The following RPS6KA5 variants were observed in gnomAD, a reference collection of about 807,000 sequenced individuals.
The protein encoded by RPS6KA5 is ribosomal protein S6 kinase alpha-5.
RPS6KA5 carries 27 observed loss-of-function variants against 85.5 expected under a neutral mutation model. That is an observed-to-expected ratio of 0.32 (90% CI 0.23 to 0.44). The LOEUF (loss-of-function observed/expected upper bound fraction) is 0.44, where lower values mean the gene tolerates loss of function less well. RPS6KA5 is among the 20% of genes least tolerant of loss of function. RPS6KA5 has a pLI of 1.00. For synonymous variants in RPS6KA5, 334 were observed against 348.2 expected, an observed-to-expected ratio of 0.96 and a Z score of 0.46; for missense variants, 811 against 980.9, an observed-to-expected ratio of 0.83 and a Z score of 2.31.
chr14:91,040,966 C>T (rs2042587152), intron 1 of RPS6KA5, among the ~76,000 whole-genome samples: 1 of 152,146 alleles, frequency 6.6e-6, no homozygotes, highest in Non-Finnish European at 1.5e-5. Flanking sequence ...GTGAATGGGG[C>T]ATAAAGAAGT....
At chr14:91,004,980 AC>A (rs2040955547) in intron 1 of RPS6KA5, among the ~76,000 whole-genome samples, 2 of 149,126 alleles carry the variant, frequency 1.3e-5, no homozygotes, top group African/African-American at 5.1e-5. Context: ...AAAAAAAAAA[AC>A]AAAAAAACAA....
At chr14:90,951,103 A>C (rs1162416891) in intron 3 of RPS6KA5, among the ~76,000 whole-genome samples, 6 of 131,950 alleles carry the variant, frequency 4.5e-5, no homozygotes, top group African/African-American at 1.7e-4. Flanking sequence ...TGGGCCACAG[A>C]GAGAGACTCA....
At chr14:90,936,909 T>C (rs2037289305) in intron 5 of RPS6KA5, among the ~76,000 whole-genome samples, 1 of 152,084 alleles carries the variant, frequency 6.6e-6, no homozygotes, top group Admixed American at 6.6e-5. Context: ...GTTTTGAAAA[T>C]GTTCAGTTTG....
At chr14:90,888,316 C>A (rs2034351408) in intron 14 of RPS6KA5, among the ~76,000 whole-genome samples, 1 of 152,062 alleles carries the variant, frequency 6.6e-6, no homozygotes, top group Admixed American at 6.5e-5. Context: ...CCTTTTGAAA[C>A]CTTAAAGAGC....
chr14:90,898,577 G>C (rs1275442135), intron 12 of RPS6KA5, among the ~76,000 whole-genome samples: 3 of 152,220 alleles, frequency 2.0e-5, no homozygotes, highest in African/African-American at 2.4e-5. Flanking sequence ...CAAAATCTCA[G>C]TTTCTTTATT....
At chr14:90,947,394 A>T (rs781499237) in intron 4 of RPS6KA5, 41 bp downstream of exon 4, 1 of 1,105,130 alleles carries the variant, frequency 9.0e-7, no homozygotes, top group Admixed American at 1.9e-5. Flanking sequence ...ACCTTAGTTA[A>T]CAGACTTCAG....
chr14:91,029,074 A>T (rs2042090094), intron 1 of RPS6KA5, among the ~76,000 whole-genome samples: 1 of 152,196 alleles, frequency 6.6e-6, no homozygotes, highest in Non-Finnish European at 1.5e-5. Flanking sequence ...TAATATCTGG[A>T]TGATAGCACG....
intron 1 of RPS6KA5, among the ~76,000 whole-genome samples, chr14:91,019,548 C>A (rs1459773122): frequency 6.6e-6 from 1 of 152,188 alleles, no homozygotes; most frequent in East Asian, 1.9e-4. Context: ...ACCTGCCAGT[C>A]TCCATAATCA....
rs1243363842 is a variant in RPS6KA5 at position 90,852,058 on chromosome 14, T to C, written c.*20016A>G. Reference sequence around the variant, plus strand: ...ATTCATCTACAGCAAAGACAAATTATCGGTATCTTTTCTTTAAAAAATCAC... The same window carrying C: ...ATTCATCTACAGCAAAGACAAATTACCGGTATCTTTTCTTTAAAAAATCAC... On this transcript the variant is annotated 3_prime_UTR_variant, in exon 17 of 17. Transcript: ENST00000614987. 6.6e-6 allele frequency: 1 copy of C among 151,210 alleles called. No homozygotes were observed. The highest frequency in any genetic ancestry group is 2.4e-5 in the African/African-American group (1 of 41,158). 9.4% of individuals were successfully genotyped at this position (151,210 alleles called of 1,614,324 possible).
At chr14:90,987,027 T>C (rs1354475195) in intron 2 of RPS6KA5, among the ~76,000 whole-genome samples, 2 of 152,238 alleles carry the variant, frequency 1.3e-5, no homozygotes, top group Non-Finnish European at 2.9e-5. Flanking sequence ...GTATTTACAC[T>C]AGAGAGACAA....
intron 5 of RPS6KA5, among the ~76,000 whole-genome samples, chr14:90,925,580 G>T (rs190695620): frequency 3.3e-5 from 5 of 152,038 alleles, no homozygotes; most frequent in Non-Finnish European, 7.4e-5. Flanking sequence ...AACTTAGCCT[G>T]CCCAGAATTC....
intron 2 of RPS6KA5, among the ~76,000 whole-genome samples, chr14:90,987,663 C>T (rs931575272): frequency 6.6e-6 from 1 of 152,112 alleles, no homozygotes; most frequent in Non-Finnish European, 1.5e-5. Context: ...AGCAAACTTA[C>T]AAGATCTGCT....
chr14:90,875,412 C>G (rs751894525), intron 14 of RPS6KA5, 52 bp from the exon 15 acceptor site: 31 of 1,526,440 alleles, frequency 2.0e-5, no homozygotes, highest in Non-Finnish European at 2.7e-5. Flanking sequence ...CTGTTAAAGC[C>G]ACTCTAATAA....
intron 1 of RPS6KA5, among the ~76,000 whole-genome samples, chr14:91,043,071 G>A (rs1168548971): frequency 6.6e-6 from 1 of 152,060 alleles, no homozygotes; most frequent in African/African-American, 2.4e-5. Flanking sequence ...TGTTCTTGAT[G>A]AGGCCATTAG....
intron 1 of RPS6KA5, among the ~76,000 whole-genome samples, chr14:91,040,961 T>A (rs1442175149): frequency 6.6e-6 from 1 of 152,218 alleles, no homozygotes; most frequent in Non-Finnish European, 1.5e-5. Flanking sequence ...ATCCAGTGAA[T>A]GGGGCATAAA....
chr14:90,873,657 T>C lies in RPS6KA5; in HGVS notation c.2135A>G (p.His712Arg), dbSNP rs2033266808. Reference sequence around the variant, plus strand: ...GTGGAAGGTTGCTTTCACACAGGTATGCACGGCAGCTCCGGAAGATCCTAG... The same window carrying C: ...GTGGAAGGTTGCTTTCACACAGGTACGCACGGCAGCTCCGGAAGATCCTAG... ...DILGSSGAAV[H>R]TCVKATFHAF... The change falls in exon 16 of 17, where the codon CAT becomes CGT. Residue 712 changes from histidine to arginine, a missense_variant. Physicochemically the swap from His to Arg is conservative, Grantham distance 29. Around this residue, in one of 3 missense-constraint regions of RPS6KA5, gnomAD observed 650 missense variants for 793.4 expected, o/e 0.82. Transcript: ENST00000614987. 2 of 1,614,170 alleles carry C rather than the reference T, an allele frequency of 1.2e-6. No individual in the cohort carries two copies. The highest frequency in any genetic ancestry group is 1.7e-6 in the Non-Finnish European group (2 of 1,180,026).
chr14:91,005,986 T>C (rs1468652088), intron 1 of RPS6KA5, among the ~76,000 whole-genome samples: 2 of 152,188 alleles, frequency 1.3e-5, no homozygotes, highest in East Asian at 3.8e-4. Context: ...CTGTTAGAAT[T>C]GTACACTGTC....
chr14:90,938,191 T>C (rs12881073), intron 5 of RPS6KA5, among the ~76,000 whole-genome samples: 6,134 of 152,212 alleles, frequency 0.04, 191 homozygotes, highest in Non-Finnish European at 0.059. Flanking sequence ...AGCGGGGCAG[T>C]CAAATCTTAA....
chr14:90,963,324 T>C (rs1039132540), intron 3 of RPS6KA5, among the ~76,000 whole-genome samples: 6 of 152,216 alleles, frequency 3.9e-5, no homozygotes, highest in Admixed American at 6.5e-5. Flanking sequence ...TTTGAGAACA[T>C]CATTAATGTG....
Sources: gnomAD v4.1 joint callset for allele counts (sites outside exome capture counted in the v4.1 genomes callset) on GRCh38, gnomAD v4.1.1 for gene constraint, gnomAD v4.1.1 regional missense constraint, MANE v1.5 for transcripts, NCBI Gene and HGNC (gene_info 2026-07-23, HGNC 2026-07-21) for gene names.